The following AK5 variants were observed in gnomAD, a reference collection of about 807,000 sequenced individuals.
AK5 encodes the protein adenylate kinase isoenzyme 5.
In AK5, 27 loss-of-function variants were observed where a neutral mutation model predicts 69.5. That is an observed-to-expected ratio of 0.39 (90% CI 0.29 to 0.54). The LOEUF (loss-of-function observed/expected upper bound fraction) is 0.54. Among genes scored for constraint, AK5 ranks in the 20% least tolerant of loss-of-function variants. AK5 has a pLI of 0.71. For synonymous variants in AK5, 260 were observed against 244.4 expected (o/e 1.06, Z -0.60); for missense variants, 531 against 700.4 (o/e 0.76, Z 2.73).
At chr1:77,339,649 T>C (rs1235508999) in intron 5 of AK5, among the ~76,000 whole-genome samples, 5 of 150,042 alleles carry the variant, frequency 3.3e-5, no homozygotes, top group Non-Finnish European at 7.4e-5. Flanking sequence ...AATATCTTTT[T>C]TTTTTTTTTT....
chr1:77,483,276 C>T, intron 8 of AK5, 41 bp from the exon 9 acceptor site: 2 of 1,495,082 alleles, frequency 1.3e-6, no homozygotes, highest in Non-Finnish European at 9.3e-7. Context: ...CAGCAAAATA[C>T]CTGCTGTTAT....
rs530783830 is a variant in AK5, at chr1:77,413,741, G to A, written c.982+2670G>A. ...CTTTGCAGCAGATTTGAGGGCTCAT[G>A]GGGAGAAACCACATCTTACACAATA... On this transcript the variant is annotated intron_variant, in intron 7 of 13. Coordinates refer to ENST00000354567, the MANE Select transcript of AK5 (RefSeq NM_174858.3). Among the ~76,000 whole-genome samples the A allele has an allele frequency of 2.0e-4, 30 of 152,252 alleles. No individual in the cohort carries two copies. The South Asian group carries it at 5.8e-3, about 29-fold the overall frequency.
chr1:77,456,095 G>A (rs961817241), intron 8 of AK5, among the ~76,000 whole-genome samples: 12 of 152,120 alleles, frequency 7.9e-5, no homozygotes, highest in Admixed American at 2.6e-4. Context: ...TATTCAGCTC[G>A]GACTTTGTCC....
At chr1:77,299,322 A>ATTTT (rs1489050390) in intron 5 of AK5, among the ~76,000 whole-genome samples, 288 of 127,536 alleles carry the variant, frequency 2.3e-3, no homozygotes, top group Middle Eastern at 4.0e-3. Context: ...AGACTTTTTA[A>ATTTT]TCTTTTTCTT....
intron 8 of AK5, chr1:77,420,282 G>A (rs1369003360): frequency 6.6e-6 from 1 of 152,014 alleles, no homozygotes; most frequent in Non-Finnish European, 1.5e-5. Flanking sequence ...ATGTAAACCA[G>A]CAGAAGATGG....
At chr1:77,323,344 G>A (rs907583717) in intron 5 of AK5, among the ~76,000 whole-genome samples, 1 of 152,084 alleles carries the variant, frequency 6.6e-6, no homozygotes, top group Non-Finnish European at 1.5e-5. Context: ...ATGTAAAAGA[G>A]TTTTTAAATA....
At chr1:77,429,619 T>A (rs55897785) in intron 8 of AK5, among the ~76,000 whole-genome samples, 10,012 of 152,210 alleles carry the variant, frequency 0.066, 512 homozygotes, top group East Asian at 0.2. Flanking sequence ...GGAGAATAAG[T>A]GCATGGTGCT....
At chr1:77,490,002 T>G (rs544812497) in intron 10 of AK5, among the ~76,000 whole-genome samples, 1 of 152,328 alleles carries the variant, frequency 6.6e-6, no homozygotes, top group Non-Finnish European at 1.5e-5. Context: ...ATCACCATCC[T>G]TCCTCCTCTG....
chr1:77,440,193 G>A (rs754884494), intron 8 of AK5, among the ~76,000 whole-genome samples: 2 of 152,040 alleles, frequency 1.3e-5, no homozygotes, highest in Non-Finnish European at 2.9e-5. Context: ...TCAGTTTTTG[G>A]TTGTCTGGGA....
chr1:77,391,162 G>T (rs1039782335), intron 6 of AK5, among the ~76,000 whole-genome samples: 1 of 152,002 alleles, frequency 6.6e-6, no homozygotes, highest in East Asian at 1.9e-4. Context: ...TTCAGGAGAA[G>T]TCCAGCCTCA....
intron 5 of AK5, among the ~76,000 whole-genome samples, chr1:77,302,229 CT>C (rs1570342011): frequency 1.3e-5 from 2 of 151,558 alleles, no homozygotes; most frequent in Admixed American, 6.6e-5. Flanking sequence ...AAAAAAATGC[CT>C]TTTTTTGGCT....
rs574780333 is a variant in AK5, at chr1:77,496,374, G to A, written c.1147+10022G>A. Among the ~76,000 whole-genome samples, 50 of 152,312 alleles carry A rather than the reference G, an allele frequency of 3.3e-4. 1 individual carries two copies. The South Asian group carries it at 9.9e-3, about 30-fold the overall frequency. ...AGTATGAACTTCATCCTGTGGCAGT[G>A]AGGTGCCATGAAGGCTTTTACTCAG... On this transcript the variant is annotated intron_variant, in intron 10 of 13. Coordinates refer to ENST00000354567, the MANE Select transcript of AK5 (RefSeq NM_174858.3).
chr1:77,361,226 C>T (rs1646857071), intron 6 of AK5, among the ~76,000 whole-genome samples: 1 of 152,214 alleles, frequency 6.6e-6, no homozygotes, highest in Non-Finnish European at 1.5e-5. Flanking sequence ...TCCTTTACTA[C>T]TTAATGTTCG....
intron 5 of AK5, among the ~76,000 whole-genome samples, chr1:77,315,706 T>G (rs1310903514): frequency 6.6e-6 from 1 of 152,208 alleles, no homozygotes; most frequent in East Asian, 1.9e-4. Flanking sequence ...GACAGGTGAC[T>G]GATACAGTGG....
At chr1:77,324,318 C>CGTGTGTGTGT (rs10547281) in intron 5 of AK5, among the ~76,000 whole-genome samples, 22 of 148,694 alleles carry the variant, frequency 1.5e-4, no homozygotes, top group African/African-American at 5.0e-4. Flanking sequence ...TCACCATTTG[C>CGTGTGTGTGT]GTGTGTGTGT....
chr1:77,282,367 T>C lies in AK5; in HGVS notation c.54T>C (p.Leu18=). The change falls in exon 1 of 14, where the codon CTT becomes CTC. Residue 18 remains leucine, a synonymous_variant. Transcript: ENST00000354567. ...EYLARREIPQ[L]FESLLNGLMC... Reference sequence around the variant, plus strand: ...TGGCCCGGAGGGAAATCCCTCAGCTTTTTGAGGTAGGGCTAGAGCTGGCCG... The same window carrying C: ...TGGCCCGGAGGGAAATCCCTCAGCTCTTTGAGGTAGGGCTAGAGCTGGCCG... 6.4e-7 allele frequency: 1 copy of C among 1,552,040 alleles called. No individual in the cohort carries two copies. The highest frequency in any genetic ancestry group is 8.7e-7 in the Non-Finnish European group (1 of 1,148,098).
intron 6 of AK5, among the ~76,000 whole-genome samples, chr1:77,380,434 C>T (rs767262157): frequency 3.3e-5 from 5 of 152,160 alleles, no homozygotes; most frequent in Non-Finnish European, 7.4e-5. Context: ...CATTTCCAAC[C>T]AGTTGCACTC....
chr1:77,450,059 G>A (rs941775123), intron 8 of AK5, among the ~76,000 whole-genome samples: 2 of 152,092 alleles, frequency 1.3e-5, no homozygotes, highest in African/African-American at 4.8e-5. Flanking sequence ...CAAATCTCTA[G>A]GGCAGGGGCA....
At chr1:77,466,932 A>G (rs1654178938) in intron 8 of AK5, among the ~76,000 whole-genome samples, 1 of 152,226 alleles carries the variant, frequency 6.6e-6, no homozygotes, top group Non-Finnish European at 1.5e-5. Context: ...GCTTTTGCCA[A>G]CATCCCACAC....
Sources: allele counts gnomAD v4.1 joint callset (sites outside exome capture counted in the v4.1 genomes callset), GRCh38; gene constraint gnomAD v4.1.1; transcripts MANE v1.5; gene names NCBI Gene and HGNC (gene_info 2026-07-23, HGNC 2026-07-21).